The following SLC25A39 variants were observed in gnomAD, a reference collection of about 807,000 sequenced individuals.
SLC25A39 encodes solute carrier family 25 member 39, also known as mitochondrial glutathione transporter SLC25A39.
A neutral mutation model predicts 46.6 loss-of-function variants in SLC25A39; 44 were observed. The ratio of observed to expected loss-of-function variants is 0.94; its 90% CI spans 0.74 to 1.21. The LOEUF is 1.21. Among genes scored for constraint, SLC25A39 ranks in the 50% most tolerant of loss-of-function variants. SLC25A39 has a pLI of 0.00. For missense variants in SLC25A39, 487 were observed against 473.0 expected, an observed-to-expected ratio of 1.03 and a Z score of -0.28; for synonymous variants, 218 against 190.6, an observed-to-expected ratio of 1.14 and a Z score of -1.19.
At position 44,319,963 on chromosome 17, in the gene SLC25A39, T is replaced by C; in HGVS notation, c.*38A>G. On this transcript the variant is annotated 3_prime_UTR_variant, in exon 12 of 12. Coordinates refer to ENST00000377095, the MANE Select transcript of SLC25A39 (RefSeq NM_001143780.3). ...TGGGTCTCCTCCTGCCCTCTCCCCA[T>C]CCGTGGGAGAGACGGGGTCCTTGCC... 1.3e-6 allele frequency: 2 copies of C among 1,584,552 alleles called. No homozygotes were observed. Among genetic ancestry groups the C allele is most frequent in the Non-Finnish European group, 1.7e-6 (2 of 1,153,796 alleles).
In SLC25A39 at chr17:44,323,570, C is replaced by T. The variant is rs777948419; in HGVS notation, c.-8G>A. The stretch of plus-strand genomic sequence containing the variant: ...AGGGTCCTGGTCAGCCATCTTGAAG[C>T]TTCAGTCCTGAAAACCAAACCTCAA... On this transcript the variant is annotated 5_prime_UTR_variant, in exon 2 of 12. Transcript: ENST00000377095. 1.3e-6 allele frequency: 2 copies of T among 1,563,898 alleles called. No individual in the cohort carries two copies. Among genetic ancestry groups the T allele is most frequent in the East Asian group, 2.4e-5 (1 of 42,016 alleles).
Position 44,321,726 on chromosome 17 carries a change from G to T in SLC25A39, c.366C>A (p.Thr122=). The stretch of plus-strand genomic sequence containing the variant: ...GGGTGGCGGGGAGGCCGCTCCAGAG[G>T]GTCCTGGTGCCCTCGTGCCTCACGA... The part of the protein sequence containing the change: ...VKIVRHEGTR[T]LWSGLPATLV... The change falls in exon 6 of 12, where the codon ACC becomes ACA. Residue 122 remains threonine, a synonymous_variant. Coordinates refer to ENST00000377095, the MANE Select transcript of SLC25A39 (RefSeq NM_001143780.3). The T allele has an allele frequency of 6.2e-7, 1 of 1,612,470 alleles. No homozygotes were observed. Among genetic ancestry groups the T allele is most frequent in the Non-Finnish European group, 8.5e-7 (1 of 1,179,080 alleles).
In SLC25A39 at chr17:44,321,220, TCA is replaced by T; in HGVS notation, c.527_528del (p.Val176AspfsTer62). 6.2e-7 allele frequency: 1 copy of T among 1,607,836 alleles called. No homozygotes were observed. The highest frequency in any genetic ancestry group is 8.5e-7 in the Non-Finnish European group (1 of 1,177,000). The stretch of plus-strand genomic sequence containing the variant: ...ATAAGCTCCAGGGGGCTGATCACAG[TCA>T]CGGTGCCCACTGTGTGGGGATTGGG... ...VAGALARLGTVTVISPLELMR... is the reference protein window; with the variant it reads ...VAGALARLGTXTVISPLELMR... On this transcript the variant is annotated frameshift_variant, in exon 8 of 12. Coordinates refer to ENST00000377095, the MANE Select transcript of SLC25A39 (RefSeq NM_001143780.3). LOFTEE classifies it high-confidence loss of function.
rs1263815579 is a variant in SLC25A39 at position 44,321,886 on chromosome 17, C to G, written c.325-119G>C. 4.1e-6 allele frequency: 4 copies of G among 983,586 alleles called. No homozygotes were observed. In the African/African-American group the frequency reaches 6.5e-5, roughly 16 times the overall value. 60.9% of individuals were successfully genotyped at this position (983,586 alleles called of 1,614,324 possible). On this transcript the variant is annotated intron_variant, in intron 5 of 11. Transcript: ENST00000377095. ...CAGCCTCTGCCCACAGCCCTCAGGCCTCCCTGCCTCTACACATGCAGTACC... is the reference window on the plus strand; with the variant it reads ...CAGCCTCTGCCCACAGCCCTCAGGCGTCCCTGCCTCTACACATGCAGTACC...
chr17:44,323,439 A>AAGCCCCCCCCCCCCCCCCCCCC, intron 2 of SLC25A39, 39 bp downstream of exon 2: 1 of 257,092 alleles, frequency 3.9e-6, no homozygotes, highest in East Asian at 1.0e-4. Context: ...GGTCTGCCCC[A>AAGCCCCCCCCCCCCCCCCCCCC]TCCCCACCCG....
In SLC25A39 at chr17:44,322,429, G is replaced by A. The variant is rs925011602; in HGVS notation, c.314C>T (p.Thr105Ile). ...ATWFQDPTRFTGTMDAFVKIV... is the reference protein window; with the variant it reads ...ATWFQDPTRFIGTMDAFVKIV... ...CCAGCTGCTCCTCACCATGGTGCCA[G>A]TGAAGCGGGTAGGGTCTTGAAACCA... is the stretch of plus-strand genomic sequence containing the variant. Residue 105 changes from threonine (T) to isoleucine (I), a missense_variant, in exon 5 of 12, where the codon ACT becomes ATT. Thr to Ile is a moderately conservative substitution (Grantham distance 89, BLOSUM62 -1). Transcript: ENST00000377095. The A allele has an allele frequency of 1.2e-6, 2 of 1,614,020 alleles. No homozygotes were observed. The highest frequency in any genetic ancestry group is 3.3e-5 in the Admixed American group (2 of 60,004).
chr17:44,320,390 C>G lies in SLC25A39; in HGVS notation c.848G>C (p.Arg283Pro). The G allele has an allele frequency of 6.2e-7, 1 of 1,613,630 alleles. No individual in the cohort carries two copies. ...TLPFDVVKTQ[R>P]QVALGAMEAV... is the part of the protein sequence containing the mutation. ...CTCCATCGCTCCCAGAGCGACCTGG[C>G]GTTGGGTCTTTACCACGTCAAAGGG... is the stretch of plus-strand genomic sequence containing the variant. The change falls in exon 10 of 12, where the codon CGC (arginine) becomes CCC (proline). Residue 283 changes from arginine to proline, a missense_variant. Arg to Pro is a moderately radical substitution (Grantham distance 103). Coordinates refer to ENST00000377095, the MANE Select transcript of SLC25A39 (RefSeq NM_001143780.3).
intron 3 of SLC25A39, among the ~76,000 whole-genome samples, chr17:44,323,053 G>T (rs1350612034): frequency 4.6e-5 from 7 of 152,160 alleles, no homozygotes; most frequent in African/African-American, 1.7e-4. Context: ...CTCCCAGGTA[G>T]CTGGGACTAC....
At position 44,320,770 on chromosome 17, in the gene SLC25A39, C is replaced by T. The variant is rs761020638; in HGVS notation, c.692-39G>A. The stretch of plus-strand genomic sequence containing the variant: ...ATGCACTGATTAGAGACGGGAAGGG[C>T]AAGGAAGTGGCCCCAGACCGTCCAC... On this transcript the variant is annotated intron_variant, in intron 8 of 11. Coordinates refer to ENST00000377095, the MANE Select transcript of SLC25A39 (RefSeq NM_001143780.3). 57 of 1,514,332 alleles carry T rather than the reference C, an allele frequency of 3.8e-5. No homozygotes were observed. In the South Asian group the frequency reaches 6.4e-4, roughly 17 times the overall value. The allele number at this position is 1,514,332 out of a possible 1,614,324, so 93.8% of individuals were successfully genotyped here.
chr17:44,320,331 T>C, intron 10 of SLC25A39, 24 bp downstream of exon 10: 26 of 1,613,490 alleles, frequency 1.6e-5, no homozygotes, highest in Non-Finnish European at 2.1e-5. Context: ...ACCTGTCCCC[T>C]GCCACGGCAA....
Position 44,321,193 on chromosome 17 carries a change from G to T in SLC25A39, c.556C>A (p.Arg186=). 1 of 1,612,490 alleles carries T rather than the reference G, an allele frequency of 6.2e-7. No individual in the cohort carries two copies. Among genetic ancestry groups the T allele is most frequent in the Non-Finnish European group, 8.5e-7 (1 of 1,179,558 alleles). The part of the protein sequence containing the change: ...VTVISPLELM[R]TKLQAQHVSY... ...ACATGCTGAGCCTGCAGCTTTGTCC[G>T]CATAAGCTCCAGGGGGCTGATCACA... The change falls in exon 8 of 12, where the codon CGG becomes AGG. Residue 186 remains arginine (R), a synonymous_variant. Transcript: ENST00000377095.
At position 44,320,083 on chromosome 17, in the gene SLC25A39, G is replaced by A. The variant is rs761614565; in HGVS notation, c.998C>T (p.Ser333Phe). 6.8e-6 allele frequency: 11 copies of A among 1,613,956 alleles called. No homozygotes were observed. The highest frequency in any genetic ancestry group is 1.3e-5 in the African/African-American group (1 of 74,898). The change falls in exon 12 of 12, where the codon TCC (serine) becomes TTC (phenylalanine). Residue 333 changes from serine (S) to phenylalanine (F), a missense_variant. Coordinates refer to ENST00000377095, the MANE Select transcript of SLC25A39 (RefSeq NM_001143780.3). Reference sequence around the variant, plus strand: ...ATAGGTGCTGATCATGATGGCACAGGAGGGGGCAGCCTTGATGATCCGAGG... The same window carrying A: ...ATAGGTGCTGATCATGATGGCACAGAAGGGGGCAGCCTTGATGATCCGAGG... Reference protein sequence around the residue: ...FLPRIIKAAPSCAIMISTYEF... With the variant: ...FLPRIIKAAPFCAIMISTYEF...
chr17:44,319,910 C>T lies in SLC25A39; in HGVS notation c.*91G>A, dbSNP rs1330496730. The T allele has an allele frequency of 7.9e-7, 1 of 1,265,316 alleles. No individual in the cohort carries two copies. Among genetic ancestry groups the T allele is most frequent in the Non-Finnish European group, 1.1e-6 (1 of 880,604 alleles). 78.4% of individuals were successfully genotyped at this position (1,265,316 alleles called of 1,614,324 possible). A position where few individuals can be genotyped will look rare whatever the true frequency, so the allele number is the denominator to read the frequency against. On this transcript the variant is annotated 3_prime_UTR_variant, in exon 12 of 12. Transcript: ENST00000377095. Reference sequence around the variant, plus strand: ...GGAGGGAAGGGAAACAAGCCCCCTCCCTCAGTGCTGAGGAAAAGGCACTTG... The same window carrying T: ...GGAGGGAAGGGAAACAAGCCCCCTCTCTCAGTGCTGAGGAAAAGGCACTTG...
intron 4 of SLC25A39, 93 bp from the exon 5 acceptor site, chr17:44,322,645 G>A (rs988260837): frequency 2.6e-6 from 4 of 1,566,420 alleles, no homozygotes; most frequent in African/African-American, 1.4e-5. Flanking sequence ...GTAAAGGCCA[G>A]GTCCCTGTGT....
At chr17:44,320,472 T>G in intron 9 of SLC25A39, 36 bp from the exon 10 acceptor site, 1 of 1,609,510 alleles carries the variant, frequency 6.2e-7, no homozygotes, top group Non-Finnish European at 8.5e-7. Context: ...TCAGCTCCAC[T>G]TCCTGGACCC....
intron 2 of SLC25A39, 53 bp from the exon 3 acceptor site, chr17:44,323,396 T>G (rs2048118473): frequency 9.4e-6 from 15 of 1,589,562 alleles, no homozygotes; most frequent in East Asian, 2.3e-5. Flanking sequence ...CCCCTAGGAC[T>G]CCTCCCCCAG....
At chr17:44,322,876 A>G (rs775234552) in intron 3 of SLC25A39, 24 bp from the exon 4 acceptor site, 1 of 1,613,654 alleles carries the variant, frequency 6.2e-7, no homozygotes. Context: ...CAGCCCCTCA[A>G]GTCAGGAGAG....
At chr17:44,320,562 A>G in intron 9 of SLC25A39, 60 bp downstream of exon 9, 2 of 1,586,234 alleles carry the variant, frequency 1.3e-6, no homozygotes, top group South Asian at 2.2e-5. Flanking sequence ...ATCTCCAAAA[A>G]TCCTCAGGCC....
At position 44,322,789 on chromosome 17, in the gene SLC25A39, T is replaced by C; in HGVS notation, c.190+19A>G. On this transcript the variant is annotated intron_variant, in intron 4 of 11. Coordinates refer to ENST00000377095, the MANE Select transcript of SLC25A39 (RefSeq NM_001143780.3). ...CCCCCTTGCACCCTCCCATGCTCCC[T>C]GTGGCTTGGGGCACTCACATTTGGT... 1 of 1,613,992 alleles carries C rather than the reference T, an allele frequency of 6.2e-7. No individual in the cohort carries two copies. Among genetic ancestry groups the C allele is most frequent in the South Asian group, 1.1e-5 (1 of 91,084 alleles).
Sources: gnomAD v4.1 joint callset for allele counts (sites outside exome capture counted in the v4.1 genomes callset) on GRCh38, gnomAD v4.1.1 for gene constraint, MANE v1.5 for transcripts, NCBI Gene and HGNC (gene_info 2026-07-23, HGNC 2026-07-21) for gene names.